Variants in FSD1L observed in about 807,000 individuals in gnomAD.
FSD1L encodes the protein FSD1-like protein.
A neutral mutation model predicts 71.6 loss-of-function variants in FSD1L; 45 were observed. The ratio of observed to expected loss-of-function variants is 0.63; its 90% CI spans 0.49 to 0.81. The LOEUF is 0.81. FSD1L is among the 30% of genes least tolerant of loss of function. The pLI is 0.00. For missense variants in FSD1L, 561 were observed against 618.1 expected, an observed-to-expected ratio of 0.91 and a Z score of 0.98; for synonymous variants, 197 against 207.2, an observed-to-expected ratio of 0.95 and a Z score of 0.42.
chr9:105,525,876 A>T, intron 10 of FSD1L: 1 of 1,572,322 alleles, frequency 6.4e-7, no homozygotes, highest in Non-Finnish European at 8.8e-7. Flanking sequence ...CCTCTACAGT[A>T]GAAGTAATAT....
Position 105,506,385 on chromosome 9 carries a change from T to C in FSD1L, c.587-14T>C, listed in dbSNP as rs766171019. On this transcript the variant is annotated splice_polypyrimidine_tract_variant and intron_variant, in intron 7 of 13. Transcript: ENST00000481272. ...GAGGAATGAATGAGTCTTTTTTTTTTTTCTTCTTTGCAGTCCCCAAAGCTC... is the reference window on the plus strand; with the variant it reads ...GAGGAATGAATGAGTCTTTTTTTTTCTTCTTCTTTGCAGTCCCCAAAGCTC... 87 of 1,525,652 alleles carry C rather than the reference T, an allele frequency of 5.7e-5. 1 individual carries two copies. Among genetic ancestry groups the C allele is most frequent in the Non-Finnish European group, 6.9e-5 (78 of 1,133,926 alleles). The allele number at this position is 1,525,652 out of a possible 1,614,324, so 94.5% of individuals were successfully genotyped here. A position where few individuals can be genotyped will look rare whatever the true frequency, so the allele number is the denominator to read the frequency against.
At chr9:105,534,003 G>C (rs1836100546) in intron 10 of FSD1L, among the ~76,000 whole-genome samples, 1 of 152,170 alleles carries the variant, frequency 6.6e-6, no homozygotes, top group African/African-American at 2.4e-5. Flanking sequence ...GGGATTACAG[G>C]TGTGAGCCAC....
Position 105,464,244 on chromosome 9 carries a change from A to G in FSD1L, c.120A>G (p.Leu40=), listed in dbSNP as rs768844207. Residue 40 remains leucine, a synonymous_variant, in exon 3 of 14, where the codon CTA becomes CTG. Transcript: ENST00000481272. The part of the protein sequence containing the change: ...PESINLQQEA[L]QRIISTLANK... ...GCTTTTCTTAATTCTAGGAAGCTCT[A>G]CAGAGGATCATTTCAACTCTGGCAA... The G allele has an allele frequency of 3.2e-5, 48 of 1,497,448 alleles. No individual in the cohort carries two copies. In the Middle Eastern group the frequency reaches 5.2e-4, roughly 16 times the overall value. The allele number at this position is 1,497,448 out of a possible 1,614,324, so 92.8% of individuals were successfully genotyped here.
chr9:105,546,338 G>C lies in FSD1L; in HGVS notation c.1468-20G>C, dbSNP rs1338661583. ...TCTAGTTTGATTTGCAATCTGACAG[G>C]TTTTTTTGTCTTTTCTTAGGTATGG... On this transcript the variant is annotated intron_variant, in intron 13 of 13. Coordinates refer to ENST00000481272, the MANE Select transcript of FSD1L (RefSeq NM_001145313.3). The C allele has an allele frequency of 1.0e-5, 15 of 1,503,850 alleles. No individual in the cohort carries two copies. The highest frequency in any genetic ancestry group is 3.5e-4 in the Middle Eastern group (2 of 5,744). 93.2% of individuals were successfully genotyped at this position (1,503,850 alleles called of 1,614,324 possible).
rs936920721 is a variant in FSD1L, at chr9:105,551,603, G to A, written c.*5120G>A. Reference sequence around the variant, plus strand: ...TTTGATAAAGCGTGTGCTTAAAGTGGTATCACCAGTGATTTCTAACATGAT... The same window carrying A: ...TTTGATAAAGCGTGTGCTTAAAGTGATATCACCAGTGATTTCTAACATGAT... On this transcript the variant is annotated 3_prime_UTR_variant, in exon 14 of 14. Coordinates refer to ENST00000481272, the MANE Select transcript of FSD1L (RefSeq NM_001145313.3). 6.6e-6 allele frequency: 1 copy of A among 152,230 alleles called. No homozygotes were observed. The highest frequency in any genetic ancestry group is 3.4e-3 in the Middle Eastern group (1 of 294). The allele number at this position is 152,230 out of a possible 1,614,324, so 9.4% of individuals were successfully genotyped here.
Position 105,520,204 on chromosome 9 carries a change from C to T in FSD1L, c.1025+7268C>T, listed in dbSNP as rs1280549948. 15 of 1,611,470 alleles carry T rather than the reference C, an allele frequency of 9.3e-6. No homozygotes were observed. In the East Asian group the frequency reaches 3.3e-4, roughly 36 times the overall value. On this transcript the variant is annotated intron_variant, in intron 10 of 13. Transcript: ENST00000481272. ...CTAGACACCAAGAAGGACGCACTGA[C>T]TCGCCTCAAGCACCTGCGCATCGTC... is the stretch of plus-strand genomic sequence containing the variant.
intron 7 of FSD1L, among the ~76,000 whole-genome samples, chr9:105,504,408 T>C (rs1244703174): frequency 3.3e-5 from 5 of 152,222 alleles, no homozygotes; most frequent in African/African-American, 1.2e-4. Flanking sequence ...GAATTTAACT[T>C]TGGGAAGACT....
intron 1 of FSD1L, among the ~76,000 whole-genome samples, chr9:105,450,348 T>C (rs1446653312): frequency 6.6e-6 from 1 of 152,144 alleles, no homozygotes; most frequent in Non-Finnish European, 1.5e-5. Context: ...TATACCTGAA[T>C]GTTTGTTAGG....
chr9:105,533,657 G>A (rs181919050), intron 10 of FSD1L, among the ~76,000 whole-genome samples: 26 of 150,712 alleles, frequency 1.7e-4, no homozygotes, highest in East Asian at 7.8e-4. Context: ...TCCAGACTTC[G>A]AGATCCGCCT....
At chr9:105,497,914 G>A (rs1230905144) in intron 7 of FSD1L, among the ~76,000 whole-genome samples, 5 of 151,968 alleles carry the variant, frequency 3.3e-5, no homozygotes, top group Non-Finnish European at 7.4e-5. Flanking sequence ...TATAATCATA[G>A]CTCACTGCAG....
In FSD1L at chr9:105,485,251, A is replaced by G. The variant is rs1588982781; in HGVS notation, c.586+749A>G. ...TCAAGACTGGGCAGCAATATCTGGC[A>G]GCTTCTGGTGATAGCCTCATGCTAT... On this transcript the variant is annotated intron_variant, in intron 7 of 13. Transcript: ENST00000481272. 2.0e-5 allele frequency among the ~76,000 whole-genome samples: 3 copies of G among 152,370 alleles called. No individual in the cohort carries two copies. In the South Asian group the frequency reaches 6.2e-4, roughly 32 times the overall value.
In FSD1L at chr9:105,546,432, A is replaced by G; in HGVS notation, c.1542A>G (p.Glu514=). 6.5e-7 allele frequency: 1 copy of G among 1,550,344 alleles called. No homozygotes were observed. Among genetic ancestry groups the G allele is most frequent in the Non-Finnish European group, 8.7e-7 (1 of 1,146,138 alleles). The change falls in exon 14 of 14, where the codon GAA becomes GAG. Residue 514 remains glutamate, a synonymous_variant. Coordinates refer to ENST00000481272, the MANE Select transcript of FSD1L (RefSeq NM_001145313.3). ...PSAVRTLQKS[E]NGMTGSASSL... Reference sequence around the variant, plus strand: ...CTGTGAGAACACTTCAGAAAAGTGAAAATGGAATGACTGGTTCAGCTAGCA... The same window carrying G: ...CTGTGAGAACACTTCAGAAAAGTGAGAATGGAATGACTGGTTCAGCTAGCA...
At chr9:105,448,524 A>G (rs546998551) in intron 1 of FSD1L, among the ~76,000 whole-genome samples, 37 of 151,812 alleles carry the variant, frequency 2.4e-4, no homozygotes, top group South Asian at 1.2e-3. Context: ...AAAATCAGCC[A>G]CTCTGCAGCG....
intron 7 of FSD1L, among the ~76,000 whole-genome samples, chr9:105,503,721 C>T (rs1218222946): frequency 1.3e-5 from 2 of 152,178 alleles, no homozygotes. Flanking sequence ...CTTTCATCTT[C>T]CCCTGAATTT....
At chr9:105,537,361 T>C (rs550722561) in intron 12 of FSD1L, among the ~76,000 whole-genome samples, 24 of 152,356 alleles carry the variant, frequency 1.6e-4, no homozygotes, top group African/African-American at 5.3e-4. Context: ...CTTTGCTGTG[T>C]TTTTTGTTTT....
chr9:105,526,830 C>G (rs2131447285), intron 10 of FSD1L, among the ~76,000 whole-genome samples: 1 of 151,976 alleles, frequency 6.6e-6, no homozygotes, highest in South Asian at 2.1e-4. Flanking sequence ...TCTTTAATTT[C>G]ATGGTTAACT....
At chr9:105,455,264 C>T (rs1376957421) in intron 1 of FSD1L, among the ~76,000 whole-genome samples, 1 of 152,186 alleles carries the variant, frequency 6.6e-6, no homozygotes, top group African/African-American at 2.4e-5. Context: ...GGCAGTTCTC[C>T]TGCTCAGCCT....
At chr9:105,507,053 A>G (rs964687305) in intron 8 of FSD1L, among the ~76,000 whole-genome samples, 2 of 152,234 alleles carry the variant, frequency 1.3e-5, no homozygotes, top group African/African-American at 2.4e-5. Flanking sequence ...TGTAAAATAT[A>G]TATGAAGGGA....
At chr9:105,446,522 G>A (rs1461481873), upstream of FSD1L, among the ~76,000 whole-genome samples, 2 of 151,490 alleles carry the variant, frequency 1.3e-5, no homozygotes, top group African/African-American at 2.4e-5. Flanking sequence ...GCAGCACCAC[G>A]TCTGGCTAAT....
Sources: allele counts gnomAD v4.1 joint callset (sites outside exome capture counted in the v4.1 genomes callset), GRCh38; gene constraint gnomAD v4.1.1; transcripts MANE v1.5; gene names NCBI Gene and HGNC (gene_info 2026-07-23, HGNC 2026-07-21).